Variants in ANAPC5 observed in about 807,000 individuals in gnomAD.
ANAPC5 encodes the protein anaphase-promoting complex subunit 5.
A neutral mutation model predicts 91.3 loss-of-function variants in ANAPC5; 60 were observed. That is an observed-to-expected ratio of 0.66 (90% confidence interval 0.53 to 0.81). ANAPC5 has a LOEUF of 0.81. ANAPC5 is among the 40% of genes least tolerant of loss of function. The pLI, the probability that ANAPC5 is intolerant of heterozygous loss-of-function variation, is 0.00. For synonymous variants in ANAPC5, 340 were observed against 364.1 expected (o/e 0.93, Z 0.75); for missense variants, 690 against 931.5 (o/e 0.74, Z 3.37).
chr12:121,347,992 C>A (rs1169961), intron 1 of ANAPC5, 111 bp from the exon 2 acceptor site: 570,214 of 741,474 alleles, frequency 0.77, 227,467 homozygotes, highest in Non-Finnish European at 0.84. Flanking sequence ...TCACTCCAAA[C>A]ATGCAAATAA....
intron 1 of ANAPC5, chr12:121,351,094 G>C: frequency 2.2e-6 from 1 of 449,656 alleles, no homozygotes; most frequent in Non-Finnish European, 4.5e-6. Context: ...CATGACGGCC[G>C]GGCGCAGTGG....
At chr12:121,315,992 A>G (rs1902344131) in intron 15 of ANAPC5, among the ~76,000 whole-genome samples, 1 of 152,230 alleles carries the variant, frequency 6.6e-6, no homozygotes, top group Non-Finnish European at 1.5e-5. Flanking sequence ...ACTAACAAGA[A>G]AGTGAAAAGA....
At chr12:121,325,377 C>T (rs1902769106) in intron 11 of ANAPC5, among the ~76,000 whole-genome samples, 2 of 151,786 alleles carry the variant, frequency 1.3e-5, no homozygotes, top group South Asian at 4.2e-4. Context: ...GTAGGAGAAT[C>T]GCTTGAACCC....
chr12:121,316,694 C>T (rs1195429779), intron 15 of ANAPC5, among the ~76,000 whole-genome samples: 1 of 137,110 alleles, frequency 7.3e-6, no homozygotes, highest in Non-Finnish European at 1.5e-5. Flanking sequence ...GATTGCACCA[C>T]TGCACTCCAG....
chr12:121,345,798 A>G (rs1903644693), intron 4 of ANAPC5, 41 bp downstream of exon 4: 1 of 1,565,376 alleles, frequency 6.4e-7, no homozygotes, highest in African/African-American at 1.4e-5. Context: ...AAATTATACT[A>G]TTTCACAGGA....
chr12:121,335,915 T>TGTC (rs1555273421), intron 6 of ANAPC5, among the ~76,000 whole-genome samples, 192 bp from the exon 7 acceptor site: 3 of 152,076 alleles, frequency 2.0e-5, no homozygotes, highest in African/African-American at 7.2e-5. Context: ...CTAGAGGGAG[T>TGTC]CCACAAATTA....
chr12:121,331,990 CCATGCT>C (rs1461329061), intron 7 of ANAPC5: 1 of 152,128 alleles, frequency 6.6e-6, no homozygotes, highest in African/African-American at 2.4e-5. Flanking sequence ...GCACTCACCA[CCATGCT>C]TGGTCGGCTA....
At chr12:121,316,030 G>A (rs957814633) in intron 15 of ANAPC5, among the ~76,000 whole-genome samples, 2 of 152,056 alleles carry the variant, frequency 1.3e-5, no homozygotes, top group Admixed American at 6.6e-5. Context: ...GAAAATATTT[G>A]TAAATTATAT....
At chr12:121,319,853 T>C in intron 12 of ANAPC5, 35 bp from the exon 13 acceptor site, 1 of 1,575,778 alleles carries the variant, frequency 6.3e-7, no homozygotes. Flanking sequence ...AAGTACAAAA[T>C]GGCGAATGTT....
intron 1 of ANAPC5, among the ~76,000 whole-genome samples, chr12:121,350,645 C>T (rs1287075185): frequency 6.7e-6 from 1 of 149,250 alleles, no homozygotes; most frequent in Non-Finnish European, 1.5e-5. Context: ...CGTGCCACTG[C>T]ACTCTGGCCT....
chr12:121,316,588 C>T (rs1017108460), intron 15 of ANAPC5, among the ~76,000 whole-genome samples: 2 of 151,842 alleles, frequency 1.3e-5, no homozygotes, highest in Non-Finnish European at 2.9e-5. Context: ...AAAAAAATAG[C>T]TGGGCGTGGT....
rs571876832 is a variant in ANAPC5 at position 121,342,588 on chromosome 12, C to T, written c.591-519G>A. On this transcript the variant is annotated intron_variant, in intron 4 of 16. Transcript: ENST00000261819. The surrounding 1 kb of genome is among the most constrained non-coding windows in gnomAD (Gnocchi z 4.1). ...AAGAAAACATCGAGGAGGCCAAGCG[C>T]GGTGGCTCACACCTGTAATCCCAGC... Among the ~76,000 whole-genome samples, 19 of 152,210 alleles carry T rather than the reference C, an allele frequency of 1.2e-4. No individual in the cohort carries two copies. Among genetic ancestry groups the T allele is most frequent in the Middle Eastern group, 3.4e-3 (1 of 294 alleles).
intron 4 of ANAPC5, among the ~76,000 whole-genome samples, chr12:121,344,479 G>A (rs1903583368): frequency 6.6e-6 from 1 of 151,882 alleles, no homozygotes; most frequent in Admixed American, 6.6e-5. Context: ...ACTTGGTTGG[G>A]AGGTGGAGGC....
At chr12:121,320,263 T>C in intron 12 of ANAPC5, 122 bp downstream of exon 12, 1 of 884,288 alleles carries the variant, frequency 1.1e-6, no homozygotes, top group Non-Finnish European at 1.7e-6. Flanking sequence ...GTAAGCATCC[T>C]TTGACAAGTT....
intron 13 of ANAPC5, among the ~76,000 whole-genome samples, chr12:121,318,817 G>A (rs1046084383): frequency 3.9e-5 from 6 of 152,048 alleles, no homozygotes; most frequent in Non-Finnish European, 7.4e-5. Context: ...TTAGGAGCTC[G>A]AGACCAGCCT....
intron 15 of ANAPC5, chr12:121,318,059 A>G: frequency 2.5e-6 from 1 of 403,348 alleles, no homozygotes; most frequent in Non-Finnish European, 4.3e-6. Flanking sequence ...TACTGAATAC[A>G]CAGCTCAGGA....
Position 121,352,173 on chromosome 12 carries a change from C to T in ANAPC5, c.168G>A (p.Glu56=), listed in dbSNP as rs1903919573. ...RTGEGAVSLM[E]RRRLNQLLLP... Reference sequence around the variant, plus strand: ...GGAGCAGCTGGTTGAGCCTCCGCCGCTCCATGAGGCTGACGGCGCCCTCGC... The same window carrying T: ...GGAGCAGCTGGTTGAGCCTCCGCCGTTCCATGAGGCTGACGGCGCCCTCGC... Residue 56 remains glutamate, a synonymous_variant, in exon 1 of 17, where the codon GAG becomes GAA. Transcript: ENST00000261819. 2 of 1,612,754 alleles carry T rather than the reference C, an allele frequency of 1.2e-6. No homozygotes were observed. The highest frequency in any genetic ancestry group is 4.5e-5 in the East Asian group (2 of 44,834).
chr12:121,334,086 G>C (rs1903137830), intron 7 of ANAPC5: 1 of 152,034 alleles, frequency 6.6e-6, no homozygotes, highest in Non-Finnish European at 1.5e-5. Flanking sequence ...AACCAGCCTG[G>C]GTAACAAAGC....
chr12:121,309,726 G>A lies in ANAPC5; in HGVS notation c.2031C>T (p.Ser677=), dbSNP rs753566399. 1.9e-6 allele frequency: 3 copies of A among 1,613,886 alleles called. No homozygotes were observed. Among genetic ancestry groups the A allele is most frequent in the Admixed American group, 3.3e-5 (2 of 59,982 alleles). The part of the protein sequence containing the change: ...VAKCQVASAA[S]YDQPKKAEAL... ...CTTCTGCTTTCTTCGGCTGATCGTA[G>A]GAAGCTGCTGAAGCCACCTGGCACT... is the stretch of plus-strand genomic sequence containing the variant. Residue 677 remains serine, a synonymous_variant, in exon 16 of 17, where the codon TCC becomes TCT. Coordinates refer to ENST00000261819, the MANE Select transcript of ANAPC5 (RefSeq NM_016237.5).
Sources: allele counts gnomAD v4.1 joint callset (sites outside exome capture counted in the v4.1 genomes callset), GRCh38; gene constraint gnomAD v4.1.1; non-coding constraint Gnocchi (gnomAD v3.1); transcripts MANE v1.5; gene names NCBI Gene and HGNC (gene_info 2026-07-23, HGNC 2026-07-21).